The following MYO1C variants were observed in gnomAD, a reference collection of about 807,000 sequenced individuals.
The protein encoded by MYO1C is myosin IC, also known as unconventional myosin-Ic.
A neutral mutation model predicts 150.8 loss-of-function variants in MYO1C; 104 were observed. The observed-to-expected ratio is 0.69, with a 90% CI of 0.59 to 0.81. The LOEUF (loss-of-function observed/expected upper bound fraction) is 0.81. Ranked by LOEUF, MYO1C falls within the 30% of genes least tolerant of loss-of-function variation. MYO1C has a pLI of 0.00. For missense variants in MYO1C, 1,504 were observed against 1,435.0 expected (o/e 1.05, Z -0.78); for synonymous variants, 663 against 579.9 (o/e 1.14, Z -2.06).
intron 14 of MYO1C, 102 bp from the exon 15 acceptor site, chr17:1,475,134 C>G (rs938162242): frequency 8.2e-7 from 1 of 1,214,638 alleles, no homozygotes; most frequent in Admixed American, 2.0e-5. Flanking sequence ...CCCAGGTGCA[C>G]CCCAGGCCGG....
chr17:1,468,191 GCCTTC>G, intron 27 of MYO1C, 57 bp downstream of exon 27: 1 of 1,610,950 alleles, frequency 6.2e-7, no homozygotes. Flanking sequence ...GCCCTGACCT[GCCTTC>G]AGCTCTCAGG....
chr17:1,467,099 T>A, intron 31 of MYO1C, 143 bp downstream of exon 31: 4 of 796,908 alleles, frequency 5.0e-6, no homozygotes, highest in Non-Finnish European at 6.3e-6. Flanking sequence ...CTGGCCCTCA[T>A]GGGTGGGCCA....
chr17:1,478,872 T>G lies in MYO1C; in HGVS notation c.1093-137A>C, dbSNP rs2074455134. On this transcript the variant is annotated intron_variant, in intron 9 of 31. Transcript: ENST00000648651. This position sits in a 1 kb window ranked among gnomAD's most constrained non-coding sequence, Gnocchi z 6.3. Reference sequence around the variant, plus strand: ...AGCAAGCCTGCAGTATGGGGAGGGGTGCTGGTAGTGGGACCTCAGGGAGGA... The same window carrying G: ...AGCAAGCCTGCAGTATGGGGAGGGGGGCTGGTAGTGGGACCTCAGGGAGGA... 2 of 1,401,382 alleles carry G rather than the reference T, an allele frequency of 1.4e-6. No homozygotes were observed. Among genetic ancestry groups the G allele is most frequent in the Admixed American group, 1.9e-5 (1 of 51,506 alleles). 86.8% of individuals were successfully genotyped at this position (1,401,382 alleles called of 1,614,324 possible).
chr17:1,483,086 T>TG, intron 3 of MYO1C, 27 bp from the exon 4 acceptor site: 1 of 1,567,964 alleles, frequency 6.4e-7, no homozygotes, highest in East Asian at 2.3e-5. Context: ...TCAGGGAGTT[T>TG]GGGGAGGGGG....
rs1357409127 is a variant in MYO1C, at chr17:1,492,491, G to T, written c.-4C>A. 1.3e-6 allele frequency: 2 copies of T among 1,597,842 alleles called. No homozygotes were observed. Among genetic ancestry groups the T allele is most frequent in the South Asian group, 1.1e-5 (1 of 88,596 alleles). Reference sequence around the variant, plus strand: ...CCAGCTCCACTTGCAGCGCCATTCCGCCCTGCGGAGAGCCAGCGGCCTGGG... The same window carrying T: ...CCAGCTCCACTTGCAGCGCCATTCCTCCCTGCGGAGAGCCAGCGGCCTGGG... On this transcript the variant is annotated 5_prime_UTR_variant, in exon 1 of 32. Coordinates refer to ENST00000648651, the MANE Select transcript of MYO1C (RefSeq NM_001080779.2).
Position 1,474,702 on chromosome 17 carries a change from G to A in MYO1C, c.1717-12C>T. ...GAGCTACACATGGTCTGTGTGGGCA[G>A]AGCCGGGGTCAGGGTGGGGCACAGG... On this transcript the variant is annotated splice_polypyrimidine_tract_variant and intron_variant, in intron 16 of 31. Transcript: ENST00000648651. 6.2e-7 allele frequency: 1 copy of A among 1,614,002 alleles called. No homozygotes were observed. The highest frequency in any genetic ancestry group is 8.5e-7 in the Non-Finnish European group (1 of 1,179,894).
Position 1,472,025 on chromosome 17 carries a change from C to T in MYO1C, c.1904-1G>A. The T allele has an allele frequency of 6.2e-7, 1 of 1,614,018 alleles. No individual in the cohort carries two copies. On this transcript the variant is annotated splice_acceptor_variant, in intron 18 of 31. Coordinates refer to ENST00000648651, the MANE Select transcript of MYO1C (RefSeq NM_001080779.2). LOFTEE classifies it high-confidence loss of function. ...CGGATCAGCACCTCGTCAAAGCGGC[C>T]TGGGGTAGGGGGAGCGCCGTGGTCA...
chr17:1,476,322 A>T lies in MYO1C; in HGVS notation c.1574+1183T>A, dbSNP rs886415209. 2.0e-5 allele frequency among the ~76,000 whole-genome samples: 3 copies of T among 152,044 alleles called. No individual in the cohort carries two copies. The East Asian group carries it at 5.8e-4, about 29-fold the overall frequency. On this transcript the variant is annotated intron_variant, in intron 14 of 31. Coordinates refer to ENST00000648651, the MANE Select transcript of MYO1C (RefSeq NM_001080779.2). Reference sequence around the variant, plus strand: ...CAAGTAGCTGGAATTATAGGTGCCCACTACCACGCCTGACTAATTTTTGTA... The same window carrying T: ...CAAGTAGCTGGAATTATAGGTGCCCTCTACCACGCCTGACTAATTTTTGTA...
chr17:1,488,421 T>C (rs2074692933), intron 1 of MYO1C, among the ~76,000 whole-genome samples: 1 of 152,034 alleles, frequency 6.6e-6, no homozygotes, highest in East Asian at 1.9e-4. Context: ...GGAACCTGGG[T>C]GGGAAAGACG....
chr17:1,474,555 C>T lies in MYO1C; in HGVS notation c.1797+55G>A, dbSNP rs2074363668. 4 of 1,569,794 alleles carry T rather than the reference C, an allele frequency of 2.5e-6. No individual in the cohort carries two copies. The South Asian group carries it at 4.4e-5, about 17-fold the overall frequency. ...TGCCAGCTCCCAGGCTCACACAGGC[C>T]CTCATGCACACTCAGGCGCATGCAC... On this transcript the variant is annotated intron_variant, in intron 17 of 31. Transcript: ENST00000648651.
intron 20 of MYO1C, 28 bp downstream of exon 20, chr17:1,471,195 G>A (rs766810052): frequency 6.2e-6 from 10 of 1,613,350 alleles, no homozygotes; most frequent in African/African-American, 4.0e-5. Context: ...CCCATTCCCC[G>A]CAGGCACCCG....
At position 1,472,097 on chromosome 17, in the gene MYO1C, C is replaced by T. The variant is rs779824716; in HGVS notation, c.1903+26G>A. The T allele has an allele frequency of 7.4e-6, 12 of 1,613,358 alleles. No individual in the cohort carries two copies. In the South Asian group the frequency reaches 9.9e-5, roughly 13 times the overall value. On this transcript the variant is annotated intron_variant, in intron 18 of 31. Transcript: ENST00000648651. ...GTCTCCTGCAGGGGAGGCCCGGCCC[C>T]GAAGTCCCCCGTGGGAGGGGCCTAC...
chr17:1,478,074 G>A lies in MYO1C; in HGVS notation c.1401+13C>T. 1 of 1,613,864 alleles carries A rather than the reference G, an allele frequency of 6.2e-7. No homozygotes were observed. Among genetic ancestry groups the A allele is most frequent in the Non-Finnish European group, 8.5e-7 (1 of 1,179,858 alleles). On this transcript the variant is annotated intron_variant, in intron 12 of 31. Coordinates refer to ENST00000648651, the MANE Select transcript of MYO1C (RefSeq NM_001080779.2). This position sits in a 1 kb window ranked among gnomAD's most constrained non-coding sequence, Gnocchi z 6.3. ...CCGTGGCCCACGGAGAGTGCCCCCA[G>A]GCTAGCACACACCGCGATGCCCTCT...
chr17:1,492,037 C>T (rs948040513), intron 1 of MYO1C: 5 of 330,192 alleles, frequency 1.5e-5, no homozygotes, highest in Admixed American at 8.3e-5. Context: ...TGTTCTGAGT[C>T]TTGGGCGGTC....
chr17:1,489,809 A>G (rs1009809269), intron 1 of MYO1C, among the ~76,000 whole-genome samples: 1 of 151,574 alleles, frequency 6.6e-6, no homozygotes, highest in Non-Finnish European at 1.5e-5. Flanking sequence ...AGGCCAAGGC[A>G]GGCAAGATCA....
At position 1,469,598 on chromosome 17, in the gene MYO1C, C is replaced by T. The variant is rs764171229; in HGVS notation, c.2543G>A (p.Arg848Gln). The change falls in exon 25 of 32, where the codon CGG becomes CAG. Residue 848 changes from arginine to glutamine, a missense_variant. Arg to Gln is a conservative substitution (Grantham distance 43). Coordinates refer to ENST00000648651, the MANE Select transcript of MYO1C (RefSeq NM_001080779.2). ...CACCATGTTCTTTATGCACAACTCC[C>T]GCAGAAGCTCTGAGGCCTAAGGGGA... is the stretch of plus-strand genomic sequence containing the variant. ...PALREASELL[R>Q]ELCIKNMVWK... is the part of the protein sequence containing the mutation. 19 of 1,612,610 alleles carry T rather than the reference C, an allele frequency of 1.2e-5. No individual in the cohort carries two copies. The highest frequency in any genetic ancestry group is 1.6e-4 in the Middle Eastern group (1 of 6,062).
At chr17:1,474,764 C>G (rs1401037893) in intron 16 of MYO1C, 48 bp downstream of exon 16, 1 of 1,612,088 alleles carries the variant, frequency 6.2e-7, no homozygotes, top group Admixed American at 1.7e-5. Context: ...AGGTGCAGAG[C>G]TGTGGGCTAT....
In MYO1C at chr17:1,478,864, G is replaced by A. The variant is rs1023240154; in HGVS notation, c.1093-129C>T. 11 of 1,453,710 alleles carry A rather than the reference G, an allele frequency of 7.6e-6. No homozygotes were observed. The African/African-American group carries it at 1.5e-4, about 20-fold the overall frequency. The allele number at this position is 1,453,710 out of a possible 1,614,324, so 90.1% of individuals were successfully genotyped here. A position where few individuals can be genotyped will look rare whatever the true frequency, so the allele number is the denominator to read the frequency against. On this transcript the variant is annotated intron_variant, in intron 9 of 31. Transcript: ENST00000648651. This position sits in a 1 kb window ranked among gnomAD's most constrained non-coding sequence, Gnocchi z 6.3. The stretch of plus-strand genomic sequence containing the variant: ...CCAGCTCCAGCAAGCCTGCAGTATG[G>A]GGAGGGGTGCTGGTAGTGGGACCTC...
intron 1 of MYO1C, chr17:1,484,705 T>C (rs1205131371): frequency 3.0e-5 from 11 of 372,258 alleles, no homozygotes; most frequent in Non-Finnish European, 4.7e-5. Flanking sequence ...GACTGCTCTG[T>C]TGAGCTTGGA....
Sources: gnomAD v4.1 joint callset for allele counts (sites outside exome capture counted in the v4.1 genomes callset) on GRCh38, gnomAD v4.1.1 for gene constraint, Gnocchi (gnomAD v3.1) non-coding constraint, MANE v1.5 for transcripts, NCBI Gene and HGNC (gene_info 2026-07-23, HGNC 2026-07-21) for gene names.